Variants in VPS13C observed in about 807,000 individuals in gnomAD.
VPS13C encodes the protein vacuolar protein sorting 13 homolog C, also known as intermembrane lipid transfer protein VPS13C.
Under a neutral mutation model 456.8 loss-of-function variants are expected in VPS13C, and 358 were observed. The observed-to-expected ratio is 0.78, with a 90% CI of 0.72 to 0.86. The LOEUF is 0.86. VPS13C is among the 40% of genes least tolerant of loss of function. The pLI is 0.00. For missense variants in VPS13C, 4,818 were observed against 4,385.4 expected (o/e 1.10, Z -2.79); for synonymous variants, 1,578 against 1,486.7 (o/e 1.06, Z -1.41).
Position 61,983,809 on chromosome 15 carries a change from C to T in VPS13C, c.1914+11G>A, listed in dbSNP as rs772391742. On this transcript the variant is annotated intron_variant, in intron 20 of 84. Transcript: ENST00000644861. ...GATTTAAATAAAGAGTTACTTTCTC[C>T]TTGCACTTACAGCATCATAGATGAC... 22 of 1,611,884 alleles carry T rather than the reference C, an allele frequency of 1.4e-5. No homozygotes were observed. Among genetic ancestry groups the T allele is most frequent in the Non-Finnish European group, 1.7e-5 (20 of 1,179,440 alleles).
chr15:62,017,788 C>A (rs1298064934), intron 9 of VPS13C, among the ~76,000 whole-genome samples: 1 of 151,874 alleles, frequency 6.6e-6, no homozygotes, highest in Non-Finnish European at 1.5e-5. Flanking sequence ...TGGTTCCATA[C>A]GAACTTTAAA....
intron 79 of VPS13C, 138 bp from the exon 80 acceptor site, chr15:61,869,761 G>A (rs1056721705): frequency 1.3e-5 from 18 of 1,420,334 alleles, no homozygotes; most frequent in Non-Finnish European, 1.5e-5. Flanking sequence ...GAAGTTAAAT[G>A]TAATCCTAAT....
At chr15:62,034,105 CTATAGTATTGACTAGTATT>C (rs1179237966) in intron 4 of VPS13C, among the ~76,000 whole-genome samples, 6 of 151,570 alleles carry the variant, frequency 4.0e-5, no homozygotes, top group Middle Eastern at 6.8e-3. Flanking sequence ...ATAGTACTGA[CTATAGTATTGACTAGTATT>C]TATAGTATTG....
rs1488855441 is a variant in VPS13C, at chr15:61,866,211, A to G, written c.10863+2448T>C. The G allele has an allele frequency of 3.0e-6, 3 of 984,890 alleles. No homozygotes were observed. In the African/African-American group the frequency reaches 5.2e-5, roughly 17 times the overall value. 61.0% of individuals were successfully genotyped at this position (984,890 alleles called of 1,614,324 possible). ...TTGACATCCACGACAAAAACTACCA[A>G]GTCCTCTCATTAGTGTATAATCATT... is the stretch of plus-strand genomic sequence containing the variant. On this transcript the variant is annotated intron_variant, in intron 81 of 84. Transcript: ENST00000644861.
intron 25 of VPS13C, 38 bp downstream of exon 25, chr15:61,974,250 A>C (rs370512727): frequency 6.4e-6 from 10 of 1,570,946 alleles, no homozygotes; most frequent in Non-Finnish European, 7.8e-6. Context: ...CTCTAAAACA[A>C]TAAAAATAGG....
intron 3 of VPS13C, among the ~76,000 whole-genome samples, chr15:62,036,668 A>G (rs1192234658): frequency 1.3e-5 from 2 of 152,060 alleles, no homozygotes; most frequent in African/African-American, 4.8e-5. Context: ...TAAGACAGAA[A>G]AAGTGGGAAA....
intron 25 of VPS13C, 42 bp from the exon 26 acceptor site, chr15:61,973,574 A>G (rs377220872): frequency 8.1e-5 from 119 of 1,464,364 alleles, no homozygotes; most frequent in Non-Finnish European, 1.1e-4. Context: ...AGGATGACTT[A>G]GCAGGATTAA....
At chr15:61,936,447 C>T in intron 48 of VPS13C, 150 bp downstream of exon 48, 1 of 665,944 alleles carries the variant, frequency 1.5e-6, no homozygotes. Context: ...AACAGACATA[C>T]CTCCCAGCCC....
At chr15:61,866,228 A>C (rs1166140012) in intron 81 of VPS13C, 1 of 984,902 alleles carries the variant, frequency 1.0e-6, no homozygotes, top group Admixed American at 6.2e-5. Flanking sequence ...TCATTAGTGT[A>C]TAATCATTCT....
In VPS13C at chr15:61,854,170, A is replaced by T. The variant is rs1893784773; in HGVS notation, c.*287T>A. 2.3e-6 allele frequency: 1 copy of T among 436,000 alleles called. No homozygotes were observed. The highest frequency in any genetic ancestry group is 1.9e-5 in the African/African-American group (1 of 51,556). 27.0% of individuals were successfully genotyped at this position (436,000 alleles called of 1,614,324 possible). On this transcript the variant is annotated 3_prime_UTR_variant, in exon 85 of 85. Transcript: ENST00000644861. ...ATAAGCCTATTGACCTTTGCTTCAC[A>T]ATTTTAATATTAATGAAAATTTCAT...
intron 81 of VPS13C, chr15:61,864,753 A>G (rs768846191): frequency 1.4e-5 from 14 of 985,422 alleles, no homozygotes; most frequent in Non-Finnish European, 1.7e-5. Flanking sequence ...TTTCACAGCA[A>G]TAGCTACTTG....
intron 65 of VPS13C, 106 bp downstream of exon 65, chr15:61,908,886 T>C: frequency 7.4e-7 from 1 of 1,344,862 alleles, no homozygotes; most frequent in Admixed American, 2.4e-5. Flanking sequence ...GTGTTCCATA[T>C]CACCTTTCTA....
At chr15:62,044,961 T>C (rs2048355914) in intron 1 of VPS13C, among the ~76,000 whole-genome samples, 2 of 152,142 alleles carry the variant, frequency 1.3e-5, no homozygotes, top group South Asian at 4.1e-4. Flanking sequence ...AGGCGTAAAT[T>C]ACTGTAATAT....
At position 61,880,752 on chromosome 15, in the gene VPS13C, T is replaced by C. The variant is rs1895784839; in HGVS notation, c.9889-30A>G. ...AAAAAATAAAATCAAGAATTTCTAT[T>C]TTAATTTTTTTCTCTATTAGAATTC... On this transcript the variant is annotated intron_variant, in intron 72 of 84. Transcript: ENST00000644861. 3 of 1,538,500 alleles carry C rather than the reference T, an allele frequency of 1.9e-6. No homozygotes were observed. The South Asian group carries it at 3.7e-5, about 19-fold the overall frequency.
At chr15:61,934,950 A>G (rs2044177285) in intron 48 of VPS13C, among the ~76,000 whole-genome samples, 1 of 151,884 alleles carries the variant, frequency 6.6e-6, no homozygotes. Context: ...ATGGGGTTTC[A>G]CCATGTTGGC....
chr15:61,974,974 T>C (rs943864706), intron 24 of VPS13C, among the ~76,000 whole-genome samples: 2 of 152,138 alleles, frequency 1.3e-5, no homozygotes, highest in African/African-American at 4.8e-5. Flanking sequence ...CTCAATGTAA[T>C]TGCCTCAGGT....
intron 15 of VPS13C, among the ~76,000 whole-genome samples, chr15:62,005,573 G>A (rs1391192660): frequency 1.4e-4 from 21 of 149,652 alleles, no homozygotes; most frequent in South Asian, 4.3e-4. Context: ...ATGTTAGCTG[G>A]TGATTTTGCT....
At chr15:62,030,431 C>T (rs1045729598) in intron 5 of VPS13C, among the ~76,000 whole-genome samples, 1 of 151,980 alleles carries the variant, frequency 6.6e-6, no homozygotes, top group African/African-American at 2.4e-5. Flanking sequence ...TCATCTTCTG[C>T]CGTGACTGAA....
intron 55 of VPS13C, among the ~76,000 whole-genome samples, chr15:61,920,897 G>A (rs2043632766): frequency 2.0e-5 from 3 of 152,068 alleles, no homozygotes; most frequent in Non-Finnish European, 4.4e-5. Flanking sequence ...TACAATATTT[G>A]TCTCTTATGC....
Sources: gnomAD v4.1 joint callset for allele counts (sites outside exome capture counted in the v4.1 genomes callset) on GRCh38, gnomAD v4.1.1 for gene constraint, MANE v1.5 for transcripts, NCBI Gene and HGNC (gene_info 2026-07-23, HGNC 2026-07-21) for gene names.